Variants in PPP2R2B observed in about 807,000 individuals in gnomAD.
PPP2R2B encodes serine/threonine-protein phosphatase 2A 55 kDa regulatory subunit B beta isoform.
Under a neutral mutation model 46.0 loss-of-function variants are expected in PPP2R2B, and 5 were observed. The ratio of observed to expected loss-of-function variants is 0.11; its 90% CI spans 0.06 to 0.23. PPP2R2B has a LOEUF of 0.23. Ranked by LOEUF, PPP2R2B falls within the 10% of genes least tolerant of loss-of-function variation. PPP2R2B has a pLI of 1.00. For missense variants in PPP2R2B, 367 were observed against 575.0 expected (o/e 0.64, Z 3.70); for synonymous variants, 215 against 206.7 (o/e 1.04, Z -0.34).
chr5:147,040,597 A>T (rs1580843706), intron 1 of PPP2R2B: 1 of 313,168 alleles, frequency 3.2e-6, no homozygotes, highest in African/African-American at 2.2e-5. Context: ...AGCTCAAAAT[A>T]CTCAGGCTTG....
Position 146,701,057 on chromosome 5 carries a change from T to C in PPP2R2B, c.156A>G (p.Gln52=), listed in dbSNP as rs766703686. The change falls in exon 3 of 10, where the codon CAA becomes CAG. Residue 52 remains glutamine, a synonymous_variant. Transcript: ENST00000394411. The part of the protein sequence containing the change: ...GDKGGRVVIF[Q]REQESKNQVH... ...CACCACCACTTACCTCCTGCTCTCG[T>C]TGAAATATTACAACCCGACCCCCCT... 1.8e-5 allele frequency: 29 copies of C among 1,612,500 alleles called. No homozygotes were observed. Among genetic ancestry groups the C allele is most frequent in the Non-Finnish European group, 2.4e-5 (28 of 1,178,512 alleles).
chr5:147,009,877 A>ACG, intron 1 of PPP2R2B, among the ~76,000 whole-genome samples: 1 of 140,496 alleles, frequency 7.1e-6, no homozygotes, highest in Non-Finnish European at 1.5e-5. Context: ...ACACACACAC[A>ACG]CACACACACA....
intron 7 of PPP2R2B, among the ~76,000 whole-genome samples, chr5:146,616,078 T>C (rs1309347714): frequency 6.6e-6 from 1 of 152,094 alleles, no homozygotes; most frequent in African/African-American, 2.4e-5. Flanking sequence ...GAAACAAATC[T>C]GTATATCTAC....
intron 1 of PPP2R2B, among the ~76,000 whole-genome samples, chr5:146,946,250 G>C (rs757011027): frequency 1.3e-5 from 2 of 152,090 alleles, no homozygotes; most frequent in Non-Finnish European, 2.9e-5. Context: ...CAGATGAAGA[G>C]AGACAAGTCT....
chr5:146,968,076 A>G (rs1429671394), intron 1 of PPP2R2B, among the ~76,000 whole-genome samples: 1 of 152,120 alleles, frequency 6.6e-6, no homozygotes, highest in Non-Finnish European at 1.5e-5. Flanking sequence ...GGCCATCCAC[A>G]TGCCCTTGGG....
chr5:146,799,157 G>A (rs1756713858), intron 2 of PPP2R2B, among the ~76,000 whole-genome samples: 1 of 152,162 alleles, frequency 6.6e-6, no homozygotes, highest in Non-Finnish European at 1.5e-5. Context: ...ACAATGAGGA[G>A]GCCAACCTAG....
chr5:146,985,715 T>C (rs936340476), intron 1 of PPP2R2B, among the ~76,000 whole-genome samples: 17 of 152,142 alleles, frequency 1.1e-4, no homozygotes, highest in African/African-American at 3.9e-4. Context: ...TTGAAAGTCC[T>C]TTGTCAGAGC....
intron 2 of PPP2R2B, among the ~76,000 whole-genome samples, chr5:146,770,765 G>A (rs1042779365): frequency 6.6e-6 from 1 of 152,152 alleles, no homozygotes; most frequent in African/African-American, 2.4e-5. Flanking sequence ...CTGTTATCAG[G>A]AAGAGTTGTC....
intron 2 of PPP2R2B, among the ~76,000 whole-genome samples, chr5:146,828,261 T>TAAA (rs1218241360): frequency 6.8e-6 from 1 of 147,674 alleles, no homozygotes; most frequent in African/African-American, 2.5e-5. Flanking sequence ...TTACTTTTTT[T>TAAA]AAAAAAAAAA....
intron 2 of PPP2R2B, among the ~76,000 whole-genome samples, chr5:146,844,091 A>T (rs557539520): frequency 7.5e-4 from 114 of 151,810 alleles, no homozygotes; most frequent in African/African-American, 2.7e-3. Context: ...TTCTCAGTAA[A>T]CTATCGCAAG....
chr5:146,635,687 A>G (rs1032223880), intron 7 of PPP2R2B, among the ~76,000 whole-genome samples: 12 of 152,182 alleles, frequency 7.9e-5, no homozygotes, highest in African/African-American at 2.9e-4. Flanking sequence ...CCTCACCCAC[A>G]GCATGTCCGG....
chr5:147,076,617 T>C (rs144372772), intron 2 of PPP2R2B, among the ~76,000 whole-genome samples: 40 of 152,318 alleles, frequency 2.6e-4, no homozygotes, highest in Middle Eastern at 6.8e-3. Context: ...TTAAAATGGT[T>C]TCTTCCCACA....
At chr5:147,028,129 C>A (rs868539959) in intron 1 of PPP2R2B, among the ~76,000 whole-genome samples, 4 of 152,128 alleles carry the variant, frequency 2.6e-5, no homozygotes, top group Non-Finnish European at 4.4e-5. Flanking sequence ...TTTACACACA[C>A]GTACTATTTT....
chr5:146,781,431 C>T (rs1755524218), intron 2 of PPP2R2B, among the ~76,000 whole-genome samples: 1 of 151,422 alleles, frequency 6.6e-6, no homozygotes, highest in South Asian at 2.1e-4. Flanking sequence ...GCCAACTACC[C>T]AAATTTGTGT....
intron 1 of PPP2R2B, among the ~76,000 whole-genome samples, chr5:146,952,750 G>A (rs1751672988): frequency 6.6e-6 from 1 of 152,102 alleles, no homozygotes; most frequent in African/African-American, 2.4e-5. Flanking sequence ...CGCAGGATCT[G>A]GTCTGGTGAT....
chr5:146,850,386 A>G (rs1296972013), intron 2 of PPP2R2B, among the ~76,000 whole-genome samples: 1 of 152,152 alleles, frequency 6.6e-6, no homozygotes, highest in Non-Finnish European at 1.5e-5. Context: ...TAAGCATTTA[A>G]ATGGCTTCCT....
chr5:146,596,740 T>C (rs1003182396), intron 8 of PPP2R2B, among the ~76,000 whole-genome samples: 4 of 152,186 alleles, frequency 2.6e-5, no homozygotes, highest in African/African-American at 9.7e-5. Flanking sequence ...GGGCAAGTGA[T>C]GTGGAGCCAA....
chr5:147,039,178 C>T (rs1756181584), intron 1 of PPP2R2B, among the ~76,000 whole-genome samples: 1 of 152,152 alleles, frequency 6.6e-6, no homozygotes. Flanking sequence ...TTCAGAGATG[C>T]CTTCCCTGTC....
rs141234884 is a variant in PPP2R2B, at chr5:146,710,494, G to C, written c.71-9352C>G. On this transcript the variant is annotated intron_variant, in intron 2 of 9. Transcript: ENST00000394411. The stretch of plus-strand genomic sequence containing the variant: ...AGAAGATAAAATTTTCCCATAGTTG[G>C]AACAAAACTTGCCTAAAGGGCAAAG... Among the ~76,000 whole-genome samples, 109 of 152,288 alleles carry C rather than the reference G, an allele frequency of 7.2e-4. 1 individual carries two copies. Among genetic ancestry groups the C allele is most frequent in the African/African-American group, 2.5e-3 (103 of 41,564 alleles).
Sources: gnomAD v4.1 joint callset for allele counts (sites outside exome capture counted in the v4.1 genomes callset) on GRCh38, gnomAD v4.1.1 for gene constraint, MANE v1.5 for transcripts, NCBI Gene and HGNC (gene_info 2026-07-23, HGNC 2026-07-21) for gene names.